COL5A2: variants seen among roughly 807,000 people sequenced by gnomAD.
COL5A2 encodes collagen type V alpha 2 chain, also known as collagen alpha-2(V) chain.
In COL5A2, 23 loss-of-function variants were observed where a neutral mutation model predicts 208.2. The observed-to-expected ratio is 0.11, with a 90% confidence interval of 0.08 to 0.16. COL5A2 has a LOEUF of 0.16. Ranked by LOEUF, COL5A2 falls within the 10% of genes least tolerant of loss-of-function variation. COL5A2 has a pLI of 1.00. For missense variants in COL5A2, 1,590 were observed against 1,956.4 expected (o/e 0.81, Z 3.53); for synonymous variants, 625 against 628.5 (o/e 0.99, Z 0.08).
intron 1 of COL5A2, among the ~76,000 whole-genome samples, chr2:189,145,837 T>TA (rs1434791184): frequency 1.3e-5 from 2 of 152,146 alleles, no homozygotes; most frequent in Non-Finnish European, 2.9e-5. Flanking sequence ...TAGTCCTTAA[T>TA]ACTGTGATCC....
At chr2:189,245,115 A>C in the COL5A2 span, among the ~76,000 whole-genome samples, 1 of 152,202 alleles carries the variant, frequency 6.6e-6, no homozygotes, top group Non-Finnish European at 1.5e-5. Flanking sequence ...AACACATGGG[A>C]ATTCAAGATG....
the COL5A2 span, among the ~76,000 whole-genome samples, chr2:189,313,879 A>G: frequency 7.9e-5 from 12 of 152,354 alleles, no homozygotes; most frequent in African/African-American, 4.8e-5. Context: ...GGTTCAATTC[A>G]GCAAGAAGAA....
chr2:189,293,348 A>G, the COL5A2 span, among the ~76,000 whole-genome samples: 1 of 152,134 alleles, frequency 6.6e-6, no homozygotes, highest in Non-Finnish European at 1.5e-5. Flanking sequence ...GCAATTCTCA[A>G]CCGGTGACTA....
chr2:189,085,965 C>T (rs1383465181), intron 9 of COL5A2, among the ~76,000 whole-genome samples, 193 bp from the exon 10 acceptor site: 2 of 152,136 alleles, frequency 1.3e-5, no homozygotes, highest in Non-Finnish European at 2.9e-5. Flanking sequence ...TTGGTACTTA[C>T]TTTATTAGGC....
the COL5A2 span, among the ~76,000 whole-genome samples, chr2:189,327,695 T>G: frequency 1.3e-5 from 2 of 152,210 alleles, no homozygotes; most frequent in Non-Finnish European, 2.9e-5. Flanking sequence ...TACCCATACA[T>G]AATAAATTAC....
At chr2:189,086,366 C>A (rs72904488) in intron 9 of COL5A2, among the ~76,000 whole-genome samples, 1 of 152,054 alleles carries the variant, frequency 6.6e-6, no homozygotes, top group Non-Finnish European at 1.5e-5. Flanking sequence ...TAATACTACA[C>A]GGGGATTGCC....
chr2:189,266,206 T>C, the COL5A2 span, among the ~76,000 whole-genome samples: 1 of 152,090 alleles, frequency 6.6e-6, no homozygotes, highest in Admixed American at 6.6e-5. Context: ...GATGGGCTGA[T>C]CATGAGGTCA....
At chr2:189,269,366 GCTGTGGGT>G in the COL5A2 span, among the ~76,000 whole-genome samples, 2 of 152,110 alleles carry the variant, frequency 1.3e-5, no homozygotes, top group South Asian at 4.2e-4. Context: ...TATGATGTTG[GCTGTGGGT>G]CTGCATAAAT....
intron 35 of COL5A2, 55 bp from the exon 36 acceptor site, chr2:189,054,267 A>T: frequency 3.1e-6 from 4 of 1,288,300 alleles, no homozygotes; most frequent in South Asian, 1.2e-5. Flanking sequence ...AGAAATCTTC[A>T]TGCTTAGCAA....
chr2:189,215,118 A>G (rs1689262894), intron 1 of COL5A2, among the ~76,000 whole-genome samples: 1 of 152,150 alleles, frequency 6.6e-6, no homozygotes, highest in Non-Finnish European at 1.5e-5. Context: ...TTCTCTGTTG[A>G]GTATTTCAAG....
At chr2:189,280,634 G>GT in the COL5A2 span, among the ~76,000 whole-genome samples, 17 of 151,996 alleles carry the variant, frequency 1.1e-4, no homozygotes, top group African/African-American at 4.1e-4. Flanking sequence ...CTCCAATGTT[G>GT]TATCAATCAA....
chr2:189,351,248 C>T, the COL5A2 span, among the ~76,000 whole-genome samples: 1 of 152,214 alleles, frequency 6.6e-6, no homozygotes, highest in East Asian at 1.9e-4. Context: ...CATCAACTCA[C>T]ATACCCTTTC....
chr2:189,361,686 T>G, the COL5A2 span, among the ~76,000 whole-genome samples: 1 of 152,102 alleles, frequency 6.6e-6, no homozygotes, highest in Non-Finnish European at 1.5e-5. Context: ...GATTCTTTCT[T>G]TCTCTTTTCC....
the COL5A2 span, among the ~76,000 whole-genome samples, chr2:189,286,783 GT>G: frequency 6.6e-6 from 1 of 152,092 alleles, no homozygotes; most frequent in African/African-American, 2.4e-5. Context: ...TATGGAATTA[GT>G]TTTGTCTGTG....
At chr2:189,037,915 C>G (rs10181081) in intron 51 of COL5A2, among the ~76,000 whole-genome samples, 2 of 152,078 alleles carry the variant, frequency 1.3e-5, no homozygotes. Context: ...CACATTTCCA[C>G]GAAATGCTTT....
chr2:189,255,990 G>A, the COL5A2 span, among the ~76,000 whole-genome samples: 1 of 152,086 alleles, frequency 6.6e-6, no homozygotes, highest in African/African-American at 2.4e-5. Flanking sequence ...AGCATGGAAC[G>A]GCCAGAGGAC....
At chr2:189,403,881 T>C in the COL5A2 span, among the ~76,000 whole-genome samples, 90,867 of 151,892 alleles carry the variant, frequency 0.6, 27,991 homozygotes, top group East Asian at 0.69. Context: ...TACAGGCACG[T>C]GCCACCATGC....
At chr2:189,310,404 T>A in the COL5A2 span, among the ~76,000 whole-genome samples, 3 of 152,210 alleles carry the variant, frequency 2.0e-5, no homozygotes, top group Non-Finnish European at 4.4e-5. Flanking sequence ...ATGGCTTATA[T>A]CCAAAAGACA....
chr2:189,333,066 G>A, the COL5A2 span, among the ~76,000 whole-genome samples: 2 of 152,068 alleles, frequency 1.3e-5, no homozygotes, highest in African/African-American at 4.8e-5. Context: ...ATATCTCACA[G>A]CAAAATTCAT....
Sources: gnomAD v4.1 joint callset for allele counts (sites outside exome capture counted in the v4.1 genomes callset) on GRCh38, gnomAD v4.1.1 for gene constraint, MANE v1.5 for transcripts, NCBI Gene and HGNC (gene_info 2026-07-23, HGNC 2026-07-21) for gene names.